RGL1: variants seen among roughly 807,000 people sequenced by gnomAD.
RGL1 encodes ral guanine nucleotide dissociation stimulator like 1, also known as ral guanine nucleotide dissociation stimulator-like 1.
Under a neutral mutation model 95.2 loss-of-function variants are expected in RGL1, and 24 were observed. That is an observed-to-expected ratio of 0.25 (90% CI 0.18 to 0.35). The LOEUF is 0.35. RGL1 is among the 10% of genes least tolerant of loss of function. RGL1 has a pLI of 1.00. For missense variants in RGL1, 715 were observed against 936.3 expected (o/e 0.76, Z 3.08); for synonymous variants, 329 against 344.9 (o/e 0.95, Z 0.51).
chr1:183,835,667 G>T (rs574703131), intron 2 of RGL1, among the ~76,000 whole-genome samples: 24 of 152,336 alleles, frequency 1.6e-4, no homozygotes, highest in African/African-American at 5.8e-4. Flanking sequence ...ATTTCAGTCA[G>T]TGTCAAGAGG....
intron 1 of RGL1, among the ~76,000 whole-genome samples, chr1:183,718,843 G>A (rs1187219175): frequency 6.6e-6 from 1 of 152,026 alleles, no homozygotes; most frequent in East Asian, 1.9e-4. Context: ...AACCTGGGAG[G>A]TGGAGGTTGC....
intron 1 of RGL1, among the ~76,000 whole-genome samples, chr1:183,676,173 GAGA>G (rs1652817025): frequency 6.6e-6 from 1 of 151,950 alleles, no homozygotes; most frequent in Non-Finnish European, 1.5e-5. Flanking sequence ...TAAATAAAAG[GAGA>G]AGAAGAACAA....
intron 4 of RGL1, among the ~76,000 whole-genome samples, chr1:183,874,076 A>T (rs2102617934): frequency 6.6e-6 from 1 of 152,278 alleles, no homozygotes; most frequent in Non-Finnish European, 1.5e-5. Context: ...GTGACTGGCG[A>T]TGTCCTTTTC....
intron 1 of RGL1, among the ~76,000 whole-genome samples, chr1:183,642,991 T>C (rs968773129): frequency 6.6e-6 from 1 of 152,204 alleles, no homozygotes; most frequent in Admixed American, 6.5e-5. Flanking sequence ...CATTTTCTAC[T>C]TACCACATGT....
chr1:183,747,373 T>C (rs1180149947), intron 2 of RGL1, among the ~76,000 whole-genome samples: 1 of 152,120 alleles, frequency 6.6e-6, no homozygotes, highest in East Asian at 1.9e-4. Context: ...TGGTATCTCA[T>C]TGTATACAAT....
intron 16 of RGL1, among the ~76,000 whole-genome samples, chr1:183,918,850 G>C (rs561717759): frequency 2.0e-5 from 3 of 152,334 alleles, no homozygotes; most frequent in Non-Finnish European, 4.4e-5. Context: ...CTGCTCTCGT[G>C]CTCTCATTCT....
At chr1:183,904,747 T>A (rs911304844) in intron 12 of RGL1, 103 bp from the exon 13 acceptor site, 8 of 1,250,864 alleles carry the variant, frequency 6.4e-6, no homozygotes, top group Non-Finnish European at 7.7e-6. Context: ...TTTCTTCATC[T>A]TTTATCCTAA....
intron 2 of RGL1, among the ~76,000 whole-genome samples, chr1:183,813,929 T>A (rs1026610864): frequency 5.9e-5 from 9 of 152,310 alleles, no homozygotes; most frequent in African/African-American, 2.2e-4. Context: ...AAATGTCTTT[T>A]CACATTTTAT....
At chr1:183,772,466 T>A (rs555637087) in intron 2 of RGL1, among the ~76,000 whole-genome samples, 56 of 152,352 alleles carry the variant, frequency 3.7e-4, no homozygotes, top group African/African-American at 9.6e-4. Flanking sequence ...TGACATTTTT[T>A]AAATTTTTCC....
intron 2 of RGL1, among the ~76,000 whole-genome samples, chr1:183,790,641 A>C (rs1011795931): frequency 2.6e-5 from 4 of 152,176 alleles, no homozygotes; most frequent in African/African-American, 9.7e-5. Context: ...AGTTAACAGA[A>C]GGGCATTCTA....
chr1:183,804,314 C>T (rs1661151156), upstream of RGL1, among the ~76,000 whole-genome samples: 1 of 152,066 alleles, frequency 6.6e-6, no homozygotes, highest in South Asian at 2.1e-4. Flanking sequence ...AGTTTGACTG[C>T]ATTATCTGGT....
At chr1:183,661,765 A>C (rs1651647486) in intron 1 of RGL1, among the ~76,000 whole-genome samples, 2 of 150,960 alleles carry the variant, frequency 1.3e-5, no homozygotes, top group South Asian at 4.2e-4. Flanking sequence ...CAAAAAAGAG[A>C]ATTTTAGACC....
At chr1:183,648,183 C>T (rs1331626685) in intron 1 of RGL1, 1 of 1,614,206 alleles carries the variant, frequency 6.2e-7, no homozygotes, top group South Asian at 1.1e-5. Context: ...ACTTATAAAG[C>T]TGTGGAGAAC....
At chr1:183,696,217 T>G (rs1422185233) in intron 1 of RGL1, among the ~76,000 whole-genome samples, 1 of 152,086 alleles carries the variant, frequency 6.6e-6, no homozygotes, top group Non-Finnish European at 1.5e-5. Flanking sequence ...CCACTTACTC[T>G]CCAAGGCTCG....
At chr1:183,912,955 G>A (rs1668734771) in intron 15 of RGL1, among the ~76,000 whole-genome samples, 1 of 152,118 alleles carries the variant, frequency 6.6e-6, no homozygotes, top group Non-Finnish European at 1.5e-5. Context: ...CAGAGAAATA[G>A]GCTCCAGTTT....
chr1:183,925,377 T>G (rs1669558314), intron 17 of RGL1, among the ~76,000 whole-genome samples: 1 of 152,164 alleles, frequency 6.6e-6, no homozygotes, highest in Non-Finnish European at 1.5e-5. Flanking sequence ...GACAAATATC[T>G]AATGCATGCA....
chr1:183,904,788 T>C, intron 12 of RGL1, 62 bp from the exon 13 acceptor site: 3 of 1,508,006 alleles, frequency 2.0e-6, no homozygotes, highest in Non-Finnish European at 2.7e-6. Context: ...AAAGATTCTA[T>C]ATTTGGTTGG....
At chr1:183,643,262 TTTTATTTATTTATTTATTTATTTA>T (rs374025637) in intron 1 of RGL1, among the ~76,000 whole-genome samples, 1 of 136,434 alleles carries the variant, frequency 7.3e-6, no homozygotes, top group Non-Finnish European at 1.6e-5. Context: ...GGTCCTGTTT[TTTTATTTATTTATTTATTTATTTA>T]TTTATTTATT....
Position 183,820,144 on chromosome 1 carries a change from A to G in RGL1, c.138+13659A>G, listed in dbSNP as rs547101957. 5.3e-5 allele frequency among the ~76,000 whole-genome samples: 8 copies of G among 152,304 alleles called. No homozygotes were observed. The East Asian group carries it at 1.2e-3, about 22-fold the overall frequency. ...GAAGAAAATCATCTATAATTCTGCC[A>G]TGATAACACAGTTCTTTTCACTTTT... is the stretch of plus-strand genomic sequence containing the variant. On this transcript the variant is annotated intron_variant, in intron 2 of 17. Transcript: ENST00000360851.
Sources: allele counts gnomAD v4.1 joint callset (sites outside exome capture counted in the v4.1 genomes callset), GRCh38; gene constraint gnomAD v4.1.1; transcripts MANE v1.5; gene names NCBI Gene and HGNC (gene_info 2026-07-23, HGNC 2026-07-21).